The following XPO4 variants were observed in gnomAD, a reference collection of about 807,000 sequenced individuals.
XPO4 encodes exportin 4, also known as exportin-4.
A neutral mutation model predicts 143.0 loss-of-function variants in XPO4; 39 were observed. That is an observed-to-expected ratio of 0.27 (90% CI 0.21 to 0.36). The LOEUF (loss-of-function observed/expected upper bound fraction) is 0.36. Ranked by LOEUF, XPO4 falls within the 10% of genes least tolerant of loss-of-function variation. The probability of loss-of-function intolerance (pLI) is 1.00; values close to 1 mark genes in which losing one functional copy is unlikely to be tolerated. For missense variants in XPO4, 907 were observed against 1,348.0 expected (o/e 0.67, Z 5.12); for synonymous variants, 439 against 474.0 (o/e 0.93, Z 0.96).
intron 1 of XPO4, among the ~76,000 whole-genome samples, chr13:20,882,777 C>T (rs2060424651): frequency 6.6e-6 from 1 of 151,850 alleles, no homozygotes; most frequent in African/African-American, 2.4e-5. Flanking sequence ...AATCCAACTA[C>T]TCCAGAGTCT....
At chr13:20,790,354 C>T (rs1202642217) in intron 19 of XPO4, 108 bp downstream of exon 19, 2 of 868,678 alleles carry the variant, frequency 2.3e-6, no homozygotes, top group African/African-American at 1.7e-5. Flanking sequence ...TTCATGTGCA[C>T]TTAGCAGATA....
chr13:20,779,528 A>C lies in XPO4; in HGVS notation c.*4194T>G, dbSNP rs1252746829. 6.6e-6 allele frequency: 1 copy of C among 152,486 alleles called. No homozygotes were observed. The highest frequency in any genetic ancestry group is 1.5e-5 in the Non-Finnish European group (1 of 68,054). 9.4% of individuals were successfully genotyped at this position (152,486 alleles called of 1,614,324 possible). On this transcript the variant is annotated 3_prime_UTR_variant, in exon 23 of 23. Coordinates refer to ENST00000255305, the MANE Select transcript of XPO4 (RefSeq NM_022459.5). ...TCTCCAATTGCTGGGAGGGCCTGGG[A>C]ATAGGTGAAGATCAAACCACAGTGG...
intron 2 of XPO4, among the ~76,000 whole-genome samples, chr13:20,864,843 C>T (rs1228390584): frequency 6.7e-6 from 1 of 150,366 alleles, no homozygotes; most frequent in Non-Finnish European, 1.5e-5. Context: ...TGACTACTCC[C>T]ATAAGAAGCT....
intron 9 of XPO4, among the ~76,000 whole-genome samples, chr13:20,813,957 C>CA (rs557631755): frequency 0.013 from 1,139 of 89,728 alleles, 6 homozygotes; most frequent in African/African-American, 0.021. Flanking sequence ...GACGCTGTCT[C>CA]AAAAAAAAAA....
intron 1 of XPO4, among the ~76,000 whole-genome samples, chr13:20,882,705 T>C (rs879304538): frequency 1.3e-5 from 2 of 152,040 alleles, no homozygotes; most frequent in African/African-American, 2.4e-5. Flanking sequence ...CTGGCCAACA[T>C]GGCAAAATCC....
Position 20,777,370 on chromosome 13 carries a change from A to G in XPO4, c.*6352T>C, listed in dbSNP as rs2059100155. On this transcript the variant is annotated 3_prime_UTR_variant, in exon 23 of 23. Transcript: ENST00000255305. ...TGGAATTTATTGAGCATCTACTATT[A>G]TATTTCATCCATCACTTTTAAATTT... is the stretch of plus-strand genomic sequence containing the variant. 6.6e-6 allele frequency: 1 copy of G among 152,220 alleles called. No individual in the cohort carries two copies. The highest frequency in any genetic ancestry group is 1.5e-5 in the Non-Finnish European group (1 of 68,038). 9.4% of individuals were successfully genotyped at this position (152,220 alleles called of 1,614,324 possible).
At chr13:20,808,732 C>T (rs1441038745) in intron 11 of XPO4, 151 bp from the exon 12 acceptor site, 1 of 643,154 alleles carries the variant, frequency 1.6e-6, no homozygotes, top group Non-Finnish European at 2.4e-6. Flanking sequence ...TGTCATAGCA[C>T]TATAGGAATT....
rs530563606 is a variant in XPO4, at chr13:20,864,662, T to G, written c.176-1804A>C. On this transcript the variant is annotated intron_variant, in intron 2 of 22. Transcript: ENST00000255305. ...TTCATTGTTAATGATCACTGAAACA[T>G]TCCTAACTATTTGTTTTTACATCCA... Among the ~76,000 whole-genome samples the G allele has an allele frequency of 3.3e-5, 5 of 152,326 alleles. No homozygotes were observed. In the South Asian group the frequency reaches 1.0e-3, roughly 32 times the overall value.
chr13:20,900,469 G>A (rs945910416), intron 1 of XPO4, among the ~76,000 whole-genome samples: 3 of 152,058 alleles, frequency 2.0e-5, no homozygotes, highest in East Asian at 1.9e-4. Context: ...TTGGCACAGC[G>A]CCTCCAACAT....
intron 4 of XPO4, among the ~76,000 whole-genome samples, chr13:20,850,581 T>C (rs1042047009): frequency 2.0e-5 from 3 of 152,008 alleles, no homozygotes; most frequent in Admixed American, 6.6e-5. Flanking sequence ...CTGGGCAACA[T>C]AGTGAGACCC....
intron 1 of XPO4, among the ~76,000 whole-genome samples, chr13:20,900,858 C>T (rs1241099784): frequency 6.6e-6 from 1 of 152,144 alleles, no homozygotes; most frequent in African/African-American, 2.4e-5. Flanking sequence ...GTGATCCGCC[C>T]ACCTCGGCCT....
chr13:20,839,062 G>A (rs1217082021), intron 6 of XPO4, among the ~76,000 whole-genome samples: 2 of 152,064 alleles, frequency 1.3e-5, no homozygotes, highest in Admixed American at 6.6e-5. Flanking sequence ...ACAGGAATTC[G>A]AGACCAGCCT....
At chr13:20,868,345 G>T in intron 2 of XPO4, 1 of 367,276 alleles carries the variant, frequency 2.7e-6, no homozygotes, top group Non-Finnish European at 4.5e-6. Context: ...CAGCCTTCAT[G>T]TTATGGTCAA....
At chr13:20,833,269 G>A (rs1011489758) in intron 6 of XPO4, among the ~76,000 whole-genome samples, 6 of 152,108 alleles carry the variant, frequency 3.9e-5, no homozygotes, top group African/African-American at 1.4e-4. Context: ...GTGAGCAAAA[G>A]CATGGCCCAT....
chr13:20,809,831 A>T lies in XPO4; in HGVS notation c.1310T>A (p.Ile437Asn). Reference sequence around the variant, plus strand: ...ATCTGGAGCAGCTAGGTGGCACTGAATATAGGAATTGAAAACTTGAACTGC... The same window carrying T: ...ATCTGGAGCAGCTAGGTGGCACTGATTATAGGAATTGAAAACTTGAACTGC... ...QHAVQVFNSY[I>N]QCHLAAPDGT... Residue 437 changes from isoleucine (I) to asparagine (N), a missense_variant, in exon 10 of 23, where the codon ATT becomes AAT. Physicochemically the swap from Ile to Asn is moderately radical, Grantham distance 149. Coordinates refer to ENST00000255305, the MANE Select transcript of XPO4 (RefSeq NM_022459.5). 1 of 1,613,674 alleles carries T rather than the reference A, an allele frequency of 6.2e-7. No individual in the cohort carries two copies. Among genetic ancestry groups the T allele is most frequent in the Non-Finnish European group, 8.5e-7 (1 of 1,179,784 alleles).
Position 20,800,265 on chromosome 13 carries a change from C to T in XPO4, c.2038G>A (p.Gly680Ser), listed in dbSNP as rs1174574025. The change falls in exon 15 of 23, where the codon GGC (glycine) becomes AGC (serine). Residue 680 changes from glycine (G) to serine (S), a missense_variant. Physicochemically the swap from Gly to Ser is moderately conservative, Grantham distance 56. Transcript: ENST00000255305. ...ADTEGSQWII[G>S]YLLQKVISNL... ...CTGATGACTTTTTGTAAGAGGTAGC[C>T]AATTATCCACTGAGAACCCTCTGTA... 1 of 1,613,930 alleles carries T rather than the reference C, an allele frequency of 6.2e-7. No homozygotes were observed. The highest frequency in any genetic ancestry group is 1.6e-4 in the Middle Eastern group (1 of 6,062).
chr13:20,860,644 T>C (rs999866923), intron 3 of XPO4, among the ~76,000 whole-genome samples: 4 of 152,210 alleles, frequency 2.6e-5, no homozygotes, highest in Non-Finnish European at 5.9e-5. Context: ...CAAACAGTCC[T>C]GTCAGGTCTA....
intron 19 of XPO4, among the ~76,000 whole-genome samples, chr13:20,789,870 A>G (rs986813826): frequency 4.0e-4 from 61 of 152,042 alleles, no homozygotes; most frequent in African/African-American, 1.4e-3. Context: ...ACTCATGACA[A>G]GAGACCTCCC....
chr13:20,820,325 A>C lies in XPO4; in HGVS notation c.1173+1379T>G, dbSNP rs142942594. Among the ~76,000 whole-genome samples the C allele has an allele frequency of 2.2e-3, 340 of 152,336 alleles. 1 individual carries two copies. The highest frequency in any genetic ancestry group is 6.1e-3 in the Admixed American group (93 of 15,310). The stretch of plus-strand genomic sequence containing the variant: ...TAAATTCTGCACTTAAAATTTGCAA[A>C]CCAAGGATGCCATATATCTTCCAGC... On this transcript the variant is annotated intron_variant, in intron 9 of 22. Transcript: ENST00000255305.
Sources: gnomAD v4.1 joint callset for allele counts (sites outside exome capture counted in the v4.1 genomes callset) on GRCh38, gnomAD v4.1.1 for gene constraint, MANE v1.5 for transcripts, NCBI Gene and HGNC (gene_info 2026-07-23, HGNC 2026-07-21) for gene names.